Variants in LZTS1 observed in about 807,000 individuals in gnomAD.
LZTS1 encodes the protein leucine zipper putative tumor suppressor 1.
A neutral mutation model predicts 45.8 loss-of-function variants in LZTS1; 31 were observed. That is an observed-to-expected ratio of 0.68 (90% CI 0.51 to 0.91). The LOEUF (loss-of-function observed/expected upper bound fraction) is 0.91, where lower values mean the gene tolerates loss of function less well. LZTS1 is among the 40% of genes least tolerant of loss of function. LZTS1 has a pLI of 0.00. For missense variants in LZTS1, 821 were observed against 788.9 expected, an observed-to-expected ratio of 1.04 and a Z score of -0.49; for synonymous variants, 359 against 357.3, an observed-to-expected ratio of 1.00 and a Z score of -0.05.
chr8:20,303,867 C>G lies in LZTS1; in HGVS notation c.-262G>C. 1 of 985,196 alleles carries G rather than the reference C, an allele frequency of 1.0e-6. No individual in the cohort carries two copies. Among genetic ancestry groups the G allele is most frequent in the Non-Finnish European group, 1.2e-6 (1 of 829,840 alleles). The allele number at this position is 985,196 out of a possible 1,614,324, so 61.0% of individuals were successfully genotyped here. On this transcript the variant is annotated 5_prime_UTR_variant, in exon 1 of 4. Coordinates refer to ENST00000381569, the MANE Select transcript of LZTS1 (RefSeq NM_021020.5). ...CGGTCCCACTGCGCGGGATGCAGCT[C>G]CCGGCTCCCACTCACTGGCCGAGGC...
chr8:20,257,039 G>T (rs1289412250), intron 1 of LZTS1, among the ~76,000 whole-genome samples: 1 of 152,126 alleles, frequency 6.6e-6, no homozygotes. Flanking sequence ...GCCAAGTCAA[G>T]AAATTGTTTC....
intron 1 of LZTS1, among the ~76,000 whole-genome samples, chr8:20,264,921 G>A (rs567454197): frequency 2.0e-5 from 3 of 152,298 alleles, no homozygotes; most frequent in African/African-American, 7.2e-5. Flanking sequence ...GATCTACCAG[G>A]GCACGTGTGG....
chr8:20,290,828 G>A (rs1257514237), intron 1 of LZTS1, among the ~76,000 whole-genome samples: 1 of 152,214 alleles, frequency 6.6e-6, no homozygotes, highest in Non-Finnish European at 1.5e-5. Context: ...GGAGGAAGGA[G>A]GAAGGAAGAA....
chr8:20,263,647 G>A (rs1186909931), intron 1 of LZTS1, among the ~76,000 whole-genome samples: 1 of 152,128 alleles, frequency 6.6e-6, no homozygotes. Context: ...TCTCAAGGCA[G>A]CCCCATCCCT....
intron 1 of LZTS1, among the ~76,000 whole-genome samples, chr8:20,302,949 C>T (rs997333433): frequency 6.6e-6 from 1 of 152,144 alleles, no homozygotes; most frequent in East Asian, 1.9e-4. Flanking sequence ...TCGGGGATGC[C>T]TGTTGCTGCC....
At chr8:20,252,724 G>A (rs1033536221) in intron 3 of LZTS1, 58 bp downstream of exon 3, 3 of 1,426,644 alleles carry the variant, frequency 2.1e-6, no homozygotes, top group African/African-American at 1.4e-5. Flanking sequence ...AGAAGGAGAG[G>A]GGGGTACTGG....
At chr8:20,253,712 G>T in intron 2 of LZTS1, 127 bp from the exon 3 acceptor site, 1 of 650,422 alleles carries the variant, frequency 1.5e-6, no homozygotes, top group Non-Finnish European at 2.5e-6. Flanking sequence ...ACCCCTCTTG[G>T]TCAATTGTCT....
chr8:20,279,200 T>G (rs1055272167), intron 1 of LZTS1, among the ~76,000 whole-genome samples: 3 of 152,234 alleles, frequency 2.0e-5, no homozygotes, highest in Non-Finnish European at 4.4e-5. Flanking sequence ...AATGGCAGAC[T>G]GAAACTCTTA....
chr8:20,252,347 T>C (rs1326821315), intron 3 of LZTS1, among the ~76,000 whole-genome samples: 1 of 152,202 alleles, frequency 6.6e-6, no homozygotes, highest in African/African-American at 2.4e-5. Context: ...AGGGTCCCTC[T>C]TACTAGTGGG....
At chr8:20,264,627 C>T (rs538780793) in intron 1 of LZTS1, among the ~76,000 whole-genome samples, 23 of 152,252 alleles carry the variant, frequency 1.5e-4, no homozygotes, top group African/African-American at 5.3e-4. Context: ...GGTGAAGGAG[C>T]TTTGGCTGAG....
chr8:20,303,660 C>A lies in LZTS1; in HGVS notation c.-135+80G>T, dbSNP rs181368358. The A allele has an allele frequency of 5.4e-4, 529 of 980,392 alleles. 11 individuals are homozygous for A. The Admixed American group carries it at 0.022, about 41-fold the overall frequency. 60.7% of individuals were successfully genotyped at this position (980,392 alleles called of 1,614,324 possible). A position where few individuals can be genotyped will look rare whatever the true frequency, so the allele number is the denominator to read the frequency against. On this transcript the variant is annotated intron_variant, in intron 1 of 3. Coordinates refer to ENST00000381569, the MANE Select transcript of LZTS1 (RefSeq NM_021020.5). The stretch of plus-strand genomic sequence containing the variant: ...GCGCGGACGCACGGACGGTCCGGCC[C>A]GGCGAGGGGAAAGCGGTTTCCCGCA...
At chr8:20,294,729 G>A (rs1462228561) in intron 1 of LZTS1, among the ~76,000 whole-genome samples, 1 of 152,100 alleles carries the variant, frequency 6.6e-6, no homozygotes, top group African/African-American at 2.4e-5. Flanking sequence ...TGGAGTGTCT[G>A]AAGGTTGCAA....
At chr8:20,286,805 G>A (rs964840045) in intron 1 of LZTS1, among the ~76,000 whole-genome samples, 8 of 152,170 alleles carry the variant, frequency 5.3e-5, no homozygotes, top group African/African-American at 7.2e-5. Flanking sequence ...CAACGGGCAC[G>A]AATGACAGCA....
intron 1 of LZTS1, among the ~76,000 whole-genome samples, chr8:20,263,850 C>A (rs1158849349): frequency 6.6e-6 from 1 of 152,206 alleles, no homozygotes; most frequent in African/African-American, 2.4e-5. Flanking sequence ...CCCCACAGGG[C>A]AGCTTCCTTT....
chr8:20,295,608 C>A (rs1204623857), intron 1 of LZTS1, among the ~76,000 whole-genome samples: 1 of 152,148 alleles, frequency 6.6e-6, no homozygotes, highest in Non-Finnish European at 1.5e-5. Flanking sequence ...GGCTTATAAC[C>A]TATGCTGGGA....
intron 1 of LZTS1, among the ~76,000 whole-genome samples, chr8:20,302,899 T>C (rs1047454992): frequency 6.6e-6 from 1 of 151,780 alleles, no homozygotes; most frequent in African/African-American, 2.4e-5. Flanking sequence ...ACCTTTCCAC[T>C]TGGAGCACGA....
chr8:20,267,062 C>T (rs970982067), intron 1 of LZTS1, among the ~76,000 whole-genome samples: 1 of 148,698 alleles, frequency 6.7e-6, no homozygotes, highest in African/African-American at 2.5e-5. Flanking sequence ...GAGCCAAGAT[C>T]GCACCACTGC....
chr8:20,286,761 G>A (rs956112048), intron 1 of LZTS1, among the ~76,000 whole-genome samples: 3 of 152,200 alleles, frequency 2.0e-5, no homozygotes, highest in Non-Finnish European at 2.9e-5. Context: ...GAATGAATGG[G>A]CTGGGGTTCA....
At chr8:20,255,438 C>A in intron 1 of LZTS1, 123 bp from the exon 2 acceptor site, 1 of 571,630 alleles carries the variant, frequency 1.7e-6, no homozygotes. Flanking sequence ...GTCTCCACCA[C>A]CGGGTGCTCC....
Sources: gnomAD v4.1 joint callset for allele counts (sites outside exome capture counted in the v4.1 genomes callset) on GRCh38, gnomAD v4.1.1 for gene constraint, MANE v1.5 for transcripts, NCBI Gene and HGNC (gene_info 2026-07-23, HGNC 2026-07-21) for gene names.